Variants in ENTREP2 observed in about 807,000 individuals in gnomAD.
ENTREP2 encodes protein ENTREP2.
chr15:29,142,193 A>G, the ENTREP2 span, among the ~76,000 whole-genome samples: 1 of 152,272 alleles, frequency 6.6e-6, no homozygotes, highest in East Asian at 1.9e-4. Context: ...GAATCTGAAA[A>G]TCATTGATGG....
At chr15:29,486,191 A>ACAC in the ENTREP2 span, among the ~76,000 whole-genome samples, 25 of 120,472 alleles carry the variant, frequency 2.1e-4, no homozygotes, top group African/African-American at 7.3e-4. Context: ...CACACACACA[A>ACAC]ACACACAATA....
At chr15:29,627,192 TCTAA>T in the ENTREP2 span, among the ~76,000 whole-genome samples, 1 of 152,220 alleles carries the variant, frequency 6.6e-6, no homozygotes, top group South Asian at 2.1e-4. Flanking sequence ...CTTTTATTTT[TCTAA>T]CTGACTTTTT....
At chr15:29,591,832 G>GAGAAGA in the ENTREP2 span, among the ~76,000 whole-genome samples, 6,092 of 139,920 alleles carry the variant, frequency 0.044, 188 homozygotes, top group Non-Finnish European at 0.056. Context: ...CATCTCAAAA[G>GAGAAGA]AGAAGAAGAA....
At chr15:29,121,550 G>A in the ENTREP2 span, 8 of 152,234 alleles carry the variant, frequency 5.3e-5, no homozygotes, top group African/African-American at 1.9e-4. Context: ...CTCGGCTCCA[G>A]GGCGGCCATT....
At chr15:29,160,569 C>T in the ENTREP2 span, among the ~76,000 whole-genome samples, 1,390 of 151,982 alleles carry the variant, frequency 9.1e-3, 17 homozygotes, top group African/African-American at 0.031. Context: ...ATTAGCCAGG[C>T]GTGGTGGCAG....
chr15:29,601,336 A>G, the ENTREP2 span, among the ~76,000 whole-genome samples: 1 of 152,154 alleles, frequency 6.6e-6, no homozygotes, highest in South Asian at 2.1e-4. Flanking sequence ...ACTCCTTTCT[A>G]AGTTTGCATC....
At chr15:29,471,623 G>A in the ENTREP2 span, among the ~76,000 whole-genome samples, 10 of 152,136 alleles carry the variant, frequency 6.6e-5, no homozygotes, top group East Asian at 1.9e-4. Context: ...TAACCCACAC[G>A]GCAGCACGGG....
the ENTREP2 span, among the ~76,000 whole-genome samples, chr15:29,446,515 C>A: frequency 6.6e-6 from 1 of 152,216 alleles, no homozygotes; most frequent in African/African-American, 2.4e-5. Flanking sequence ...GCAAAGCCAA[C>A]ATGCCAAAGT....
the ENTREP2 span, among the ~76,000 whole-genome samples, chr15:29,593,694 T>C: frequency 1.3e-5 from 2 of 152,240 alleles, no homozygotes; most frequent in African/African-American, 4.8e-5. Flanking sequence ...AAACAGAGAA[T>C]GCTTTTCACA....
At chr15:29,436,536 T>C in the ENTREP2 span, among the ~76,000 whole-genome samples, 1 of 152,220 alleles carries the variant, frequency 6.6e-6, no homozygotes, top group African/African-American at 2.4e-5. Flanking sequence ...ATGTATTACA[T>C]ATTCAGTCGA....
At chr15:29,256,031 T>C in the ENTREP2 span, among the ~76,000 whole-genome samples, 1 of 150,656 alleles carries the variant, frequency 6.6e-6, no homozygotes, top group Non-Finnish European at 1.5e-5. Context: ...AACACAATCA[T>C]GTTCTTTGTA....
chr15:29,187,853 C>T, the ENTREP2 span, among the ~76,000 whole-genome samples: 11 of 152,322 alleles, frequency 7.2e-5, no homozygotes, highest in African/African-American at 2.6e-4. Context: ...GCTGCTCACC[C>T]ACAGGCTGTG....
At chr15:29,330,275 A>G in the ENTREP2 span, among the ~76,000 whole-genome samples, 5 of 151,510 alleles carry the variant, frequency 3.3e-5, no homozygotes, top group African/African-American at 1.2e-4. Flanking sequence ...GGCCTCTACT[A>G]AAAATACAAA....
At chr15:29,372,481 A>T in the ENTREP2 span, among the ~76,000 whole-genome samples, 1 of 152,186 alleles carries the variant, frequency 6.6e-6, no homozygotes, top group African/African-American at 2.4e-5. Context: ...TTGAGGAGTC[A>T]CACATTATAT....
the ENTREP2 span, among the ~76,000 whole-genome samples, chr15:29,548,545 T>C: frequency 3.3e-4 from 49 of 150,474 alleles, no homozygotes; most frequent in Admixed American, 1.5e-3. Flanking sequence ...TATACTGAAA[T>C]ATACTGAAAA....
chr15:29,438,049 C>G, the ENTREP2 span, among the ~76,000 whole-genome samples: 1 of 152,208 alleles, frequency 6.6e-6, no homozygotes, highest in Admixed American at 6.5e-5. Flanking sequence ...CAGTCAAACT[C>G]AGCAGCTCCA....
chr15:29,309,482 T>C, the ENTREP2 span, among the ~76,000 whole-genome samples: 2 of 152,066 alleles, frequency 1.3e-5, no homozygotes, highest in African/African-American at 4.8e-5. Context: ...TTCTTCTCTA[T>C]AGAAAGTGCT....
the ENTREP2 span, among the ~76,000 whole-genome samples, chr15:29,291,707 A>C: frequency 6.6e-6 from 1 of 152,184 alleles, no homozygotes; most frequent in Non-Finnish European, 1.5e-5. Context: ...TGTGAGTTTG[A>C]ATCTTTTTTC....
the ENTREP2 span, among the ~76,000 whole-genome samples, chr15:29,284,452 GA>G: frequency 6.6e-6 from 1 of 151,410 alleles, no homozygotes; most frequent in African/African-American, 2.4e-5. Flanking sequence ...AGCTACTCAG[GA>G]GGATGAGGCA....
Sources: gnomAD v4.1 joint callset for allele counts (sites outside exome capture counted in the v4.1 genomes callset) on GRCh38, gnomAD v4.1.1 for gene constraint, MANE v1.5 for transcripts, NCBI Gene and HGNC (gene_info 2026-07-23, HGNC 2026-07-21) for gene names.